HUWE1: variants seen among roughly 807,000 people sequenced by gnomAD.
HUWE1 encodes E3 ubiquitin-protein ligase HUWE1.
A neutral mutation model predicts 299.4 loss-of-function variants in HUWE1; 18 were observed. The observed-to-expected ratio is 0.06, with a 90% confidence interval of 0.04 to 0.09. HUWE1 has a LOEUF of 0.09. Ranked by LOEUF, HUWE1 falls within the 10% of genes least tolerant of loss-of-function variation. The probability of loss-of-function intolerance (pLI) is 1.00; values close to 1 mark genes in which losing one functional copy is unlikely to be tolerated. For synonymous variants in HUWE1, 1,317 were observed against 1,286.1 expected (o/e 1.02, Z -0.51); for missense variants, 1,832 against 3,462.3 (o/e 0.53, Z 11.82).
chrX:53,630,686 A>C (rs1557021947), intron 12 of HUWE1, among the ~76,000 whole-genome samples: 1 of 110,130 alleles, frequency 9.1e-6, no homozygotes, highest in Non-Finnish European at 1.9e-5. Flanking sequence ...AAAAAAAAAA[A>C]AGAGACGAAT....
At chrX:53,635,053 G>A (rs2067118389) in intron 7 of HUWE1, among the ~76,000 whole-genome samples, 1 of 110,228 alleles carries the variant, frequency 9.1e-6, no homozygotes, top group South Asian at 3.7e-4. Flanking sequence ...ATTTATATAT[G>A]TAAAAAATAT....
intron 70 of HUWE1, 90 bp downstream of exon 70, chrX:53,546,346 C>T (rs781936844): frequency 9.2e-5 from 79 of 859,120 alleles, no homozygotes; most frequent in Non-Finnish European, 1.2e-4. Flanking sequence ...GTATCTGATT[C>T]AGCTTGGGGA....
intron 4 of HUWE1, among the ~76,000 whole-genome samples, chrX:53,653,118 C>A (rs1557041135): frequency 1.8e-5 from 2 of 111,801 alleles, no homozygotes; most frequent in Non-Finnish European, 3.8e-5. Flanking sequence ...TGCACTCCAG[C>A]CTGTGTGACA....
chrX:53,604,439 C>T, intron 26 of HUWE1, 150 bp downstream of exon 26: 1 of 586,409 alleles, frequency 1.7e-6, no homozygotes, highest in African/African-American at 2.3e-5. Flanking sequence ...AACTTTTTGA[C>T]AGTCAAAAAA....
chrX:53,676,736 G>A (rs1020918002), intron 3 of HUWE1, among the ~76,000 whole-genome samples: 8 of 111,427 alleles, frequency 7.2e-5, no homozygotes, highest in Non-Finnish European at 1.5e-4. Context: ...TTTGAACTTC[G>A]CTAAGGATCA....
chrX:53,646,658 T>C (rs781845975), intron 6 of HUWE1, among the ~76,000 whole-genome samples: 2 of 111,908 alleles, frequency 1.8e-5, no homozygotes, highest in South Asian at 7.6e-4. Context: ...TAAAGCTCTG[T>C]ATGTTAGGCC....
At chrX:53,569,875 A>AAG (rs782755793) in intron 47 of HUWE1, 48 bp from the exon 48 acceptor site, 6 of 1,063,209 alleles carry the variant, frequency 5.6e-6, no homozygotes, top group Non-Finnish European at 7.9e-6. Context: ...CAATTATGCC[A>AAG]TATCATTTGC....
At chrX:53,635,494 A>T (rs2067150047) in intron 7 of HUWE1, among the ~76,000 whole-genome samples, 1 of 110,630 alleles carries the variant, frequency 9.0e-6, no homozygotes, top group South Asian at 3.8e-4. Flanking sequence ...GCTACATTTT[A>T]AAAATGTTTG....
In HUWE1 at chrX:53,628,761, C is replaced by A; in HGVS notation, c.1105G>T (p.Ala369Ser). ...CACCATCAAAACTTACCAATCATGG[C>A]CTGGATACAGTTCCTTACAAGCACT... ...LPVLVRNCIQ[A>S]MIDPSMDPYP... Residue 369 changes from alanine to serine, a missense_variant, in exon 14 of 84, where the codon GCC (alanine) becomes TCC (serine). Physicochemically the swap from Ala to Ser is moderately conservative, Grantham distance 99 (BLOSUM62 1). Around this residue, in one of 15 missense-constraint regions of HUWE1, gnomAD observed 658 missense variants for 1,282.6 expected, o/e 0.51. Transcript: ENST00000262854. 1 of 1,211,720 alleles carries A rather than the reference C, an allele frequency of 8.3e-7. No homozygotes were observed. The highest frequency in any genetic ancestry group is 2.3e-4 in the Middle Eastern group (1 of 4,355).
At chrX:53,673,690 G>T (rs1360071931) in intron 3 of HUWE1, among the ~76,000 whole-genome samples, 7 of 111,528 alleles carry the variant, frequency 6.3e-5, no homozygotes, top group African/African-American at 2.3e-4. Flanking sequence ...GGGGCATTTT[G>T]AATTTTGGAT....
intron 80 of HUWE1, chrX:53,535,931 T>TG (rs1287533915): frequency 3.3e-6 from 1 of 300,845 alleles, no homozygotes; most frequent in Non-Finnish European, 5.9e-6. Flanking sequence ...AGTTTTTTTT[T>TG]TTTTTTTTTT....
At chrX:53,591,688 G>A (rs924305797) in intron 33 of HUWE1, among the ~76,000 whole-genome samples, 3 of 112,406 alleles carry the variant, frequency 2.7e-5, no homozygotes, top group African/African-American at 6.5e-5. Flanking sequence ...TGATGTTAAC[G>A]ACGTAAAAAT....
chrX:53,605,707 G>A (rs1556996125), intron 25 of HUWE1, among the ~76,000 whole-genome samples: 1 of 111,571 alleles, frequency 9.0e-6, no homozygotes, highest in African/African-American at 3.3e-5. Flanking sequence ...AATCTTAAGG[G>A]ACCCCAAATA....
chrX:53,607,583 G>A lies in HUWE1; in HGVS notation c.2436C>T (p.Pro812=). The A allele has an allele frequency of 8.3e-7, 1 of 1,210,906 alleles. No individual in the cohort carries two copies. The highest frequency in any genetic ancestry group is 1.8e-5 in the South Asian group (1 of 56,951). ...LVTILGLPNL[P]IDFPTSAACQ... ...AGGCAGCAGATGTGGGAAAGTCAAT[G>A]GGCAGATTGGGAAGACCCAAAATGG... Residue 812 remains proline, a synonymous_variant, in exon 25 of 84, where the codon CCC becomes CCT. Transcript: ENST00000262854.
chrX:53,602,704 T>C (rs782737841), intron 27 of HUWE1, 46 bp from the exon 28 acceptor site: 6 of 602,604 alleles, frequency 1.0e-5, no homozygotes, highest in East Asian at 7.7e-5. Context: ...TATATATATA[T>C]ACTGATAATT....
intron 74 of HUWE1, 64 bp from the exon 75 acceptor site, chrX:53,539,876 A>G (rs937343303): frequency 4.7e-5 from 50 of 1,057,264 alleles, no homozygotes; most frequent in Admixed American, 7.8e-5. Flanking sequence ...AGATCTTTCT[A>G]GACCACACGC....
chrX:53,640,148 C>G (rs905727551), intron 7 of HUWE1, among the ~76,000 whole-genome samples: 4 of 112,426 alleles, frequency 3.6e-5, no homozygotes, highest in African/African-American at 1.3e-4. Context: ...CGCCTGAGCT[C>G]AGGAGTTGGA....
chrX:53,651,459 T>C (rs1268392525), intron 4 of HUWE1, among the ~76,000 whole-genome samples: 2 of 111,986 alleles, frequency 1.8e-5, no homozygotes, highest in African/African-American at 6.5e-5. Context: ...ATCCTTTGTA[T>C]AAAATGGCAA....
At chrX:53,668,534 GA>G (rs782642918) in intron 3 of HUWE1, among the ~76,000 whole-genome samples, 14 of 110,827 alleles carry the variant, frequency 1.3e-4, no homozygotes, top group African/African-American at 4.6e-4. Flanking sequence ...AAAAGCCTGG[GA>G]AACAGACAGA....
Sources: allele counts gnomAD v4.1 joint callset (sites outside exome capture counted in the v4.1 genomes callset), GRCh38; gene constraint gnomAD v4.1.1; regional missense constraint gnomAD v4.1.1; transcripts MANE v1.5; gene names NCBI Gene and HGNC (gene_info 2026-07-23, HGNC 2026-07-21).